Variants in SORCS2 observed in about 807,000 individuals in gnomAD.
The protein encoded by SORCS2 is sortilin related VPS10 domain containing receptor 2, also known as VPS10 domain-containing receptor SorCS2.
A neutral mutation model predicts 141.6 loss-of-function variants in SORCS2; 100 were observed. The ratio of observed to expected loss-of-function variants is 0.71; its 90% CI spans 0.60 to 0.83. The LOEUF (loss-of-function observed/expected upper bound fraction) is 0.83. Among genes scored for constraint, SORCS2 ranks in the 40% least tolerant of loss-of-function variants. SORCS2 has a pLI of 0.00. For missense variants in SORCS2, 1,646 were observed against 1,560.2 expected (o/e 1.05, Z -0.93); for synonymous variants, 789 against 676.9 (o/e 1.17, Z -2.57).
chr4:7,415,618 C>A (rs1464584346), intron 2 of SORCS2, among the ~76,000 whole-genome samples: 1 of 152,218 alleles, frequency 6.6e-6, no homozygotes, highest in African/African-American at 2.4e-5. Flanking sequence ...GCGCTGTGAG[C>A]ATTAGGATGT....
chr4:7,279,065 C>T (rs1255385479), intron 1 of SORCS2, among the ~76,000 whole-genome samples: 2 of 152,186 alleles, frequency 1.3e-5, no homozygotes, highest in African/African-American at 4.8e-5. Context: ...AAGTTTTGCT[C>T]CAGTGCTTCC....
chr4:7,558,048 C>T (rs1196543627), intron 3 of SORCS2, among the ~76,000 whole-genome samples: 2 of 152,150 alleles, frequency 1.3e-5, no homozygotes, highest in Non-Finnish European at 2.9e-5. Context: ...ACACTAGAGC[C>T]GGAGGAGGTG....
chr4:7,637,191 G>T (rs1220751598), intron 3 of SORCS2, among the ~76,000 whole-genome samples: 1 of 152,178 alleles, frequency 6.6e-6, no homozygotes, highest in African/African-American at 2.4e-5. Flanking sequence ...GGATGTTGAC[G>T]AATCTTTTTG....
chr4:7,310,627 G>A (rs557943860), intron 1 of SORCS2: 5 of 154,158 alleles, frequency 3.2e-5, no homozygotes, highest in Middle Eastern at 5.5e-4. Flanking sequence ...AACGCAGCCC[G>A]GAGATCTGCT....
chr4:7,309,693 C>T (rs879684306), intron 1 of SORCS2, among the ~76,000 whole-genome samples: 6 of 152,218 alleles, frequency 3.9e-5, no homozygotes, highest in Non-Finnish European at 5.9e-5. Context: ...CATACACCTT[C>T]TTTCCTCGAG....
chr4:7,619,515 A>G (rs113208366), intron 3 of SORCS2, among the ~76,000 whole-genome samples: 4 of 152,296 alleles, frequency 2.6e-5, no homozygotes, highest in African/African-American at 9.6e-5. Flanking sequence ...CATGAGGGAC[A>G]GTTTCCAGAT....
chr4:7,494,647 T>C (rs1279037100), intron 2 of SORCS2, among the ~76,000 whole-genome samples: 2 of 152,196 alleles, frequency 1.3e-5, no homozygotes, highest in South Asian at 2.1e-4. Context: ...TACCATTAAA[T>C]TGGGGGTTAG....
chr4:7,336,322 T>A (rs1239499908), intron 1 of SORCS2, among the ~76,000 whole-genome samples: 2 of 152,150 alleles, frequency 1.3e-5, no homozygotes, highest in Admixed American at 1.3e-4. Context: ...TGGGTGGCGG[T>A]GTCTCCCAGT....
chr4:7,283,611 G>A (rs1716024142), intron 1 of SORCS2, among the ~76,000 whole-genome samples: 1 of 152,216 alleles, frequency 6.6e-6, no homozygotes, highest in South Asian at 2.1e-4. Context: ...TTTGCAAAGT[G>A]GTCTCTGACC....
At chr4:7,243,052 GA>G (rs1468056319) in intron 1 of SORCS2, among the ~76,000 whole-genome samples, 96 of 121,414 alleles carry the variant, frequency 7.9e-4, no homozygotes, top group African/African-American at 3.7e-3. Context: ...CCTGGGGGTT[GA>G]GGGTTGGCTC....
Position 7,740,402 on chromosome 4 carries a change from C to T in SORCS2, c.*138C>T. 1 of 761,632 alleles carries T rather than the reference C, an allele frequency of 1.3e-6. No homozygotes were observed. The highest frequency in any genetic ancestry group is 1.7e-5 in the African/African-American group (1 of 57,770). 47.2% of individuals were successfully genotyped at this position (761,632 alleles called of 1,614,324 possible). ...CGCCACACCAGGCGACAGGCACCAC[C>T]CCCTCTGATAAATCCAAGCCCGCCC... On this transcript the variant is annotated 3_prime_UTR_variant, in exon 27 of 27. Coordinates refer to ENST00000507866, the MANE Select transcript of SORCS2 (RefSeq NM_020777.3).
chr4:7,638,922 G>A (rs548208834), intron 4 of SORCS2, among the ~76,000 whole-genome samples: 3 of 152,300 alleles, frequency 2.0e-5, no homozygotes, highest in East Asian at 1.9e-4. Context: ...CGCCAAGAGC[G>A]GTGGCTTGTT....
intron 5 of SORCS2, among the ~76,000 whole-genome samples, chr4:7,655,704 T>C (rs919010065): frequency 2.0e-5 from 3 of 152,214 alleles, no homozygotes; most frequent in African/African-American, 7.2e-5. Flanking sequence ...GGCCTTGTCA[T>C]TGCTGTCAAC....
chr4:7,424,652 G>A (rs754926257), intron 2 of SORCS2, among the ~76,000 whole-genome samples: 6 of 152,166 alleles, frequency 3.9e-5, no homozygotes, highest in Admixed American at 1.3e-4. Flanking sequence ...CCCGCACTCC[G>A]CAGGGCTCAC....
chr4:7,425,013 C>T (rs1461475335), intron 2 of SORCS2, among the ~76,000 whole-genome samples: 1 of 152,198 alleles, frequency 6.6e-6, no homozygotes, highest in Non-Finnish European at 1.5e-5. Context: ...TGACCTTGCC[C>T]CATCTGTGGG....
chr4:7,707,820 G>A (rs1384655025), intron 14 of SORCS2, among the ~76,000 whole-genome samples: 2 of 152,242 alleles, frequency 1.3e-5, no homozygotes, highest in Non-Finnish European at 1.5e-5. Flanking sequence ...CGCTCATGGG[G>A]ATGAGCTTGT....
At chr4:7,681,274 G>C (rs1723509904) in intron 9 of SORCS2, among the ~76,000 whole-genome samples, 1 of 152,204 alleles carries the variant, frequency 6.6e-6, no homozygotes, top group African/African-American at 2.4e-5. Flanking sequence ...AAGGAATTAA[G>C]GCTGCTCATC....
intron 1 of SORCS2, among the ~76,000 whole-genome samples, chr4:7,199,814 C>T (rs1727386583): frequency 1.3e-5 from 2 of 152,114 alleles, no homozygotes; most frequent in African/African-American, 4.8e-5. Context: ...TGGTCTGTTC[C>T]TGTTGCCTCT....
chr4:7,695,581 T>A, intron 11 of SORCS2, among the ~76,000 whole-genome samples: 1 of 39,274 alleles, frequency 2.5e-5, no homozygotes, highest in Non-Finnish European at 5.1e-5. Flanking sequence ...GATGGATGGA[T>A]GGATTGGTGG....
Sources: gnomAD v4.1 joint callset for allele counts (sites outside exome capture counted in the v4.1 genomes callset) on GRCh38, gnomAD v4.1.1 for gene constraint, MANE v1.5 for transcripts, NCBI Gene and HGNC (gene_info 2026-07-23, HGNC 2026-07-21) for gene names.